GHSR: variants seen among roughly 807,000 people sequenced by gnomAD.
The protein encoded by GHSR is growth hormone secretagogue receptor, also known as growth hormone secretagogue receptor type 1.
In GHSR, 17 loss-of-function variants were observed where a neutral mutation model predicts 24.0. The observed-to-expected ratio is 0.71, with a 90% CI of 0.49 to 1.06. The LOEUF is 1.06. Ranked by LOEUF, GHSR falls within the 50% of genes least tolerant of loss-of-function variation. The pLI is 0.00. For synonymous variants in GHSR, 238 were observed against 208.1 expected, an observed-to-expected ratio of 1.14 and a Z score of -1.24; for missense variants, 504 against 483.1, an observed-to-expected ratio of 1.04 and a Z score of -0.41.
At position 172,448,132 on chromosome 3, in the gene GHSR, G is replaced by C. The variant is rs1231189611; in HGVS notation, c.282C>G (p.Leu94=). The change falls in exon 1 of 2, where the codon CTC becomes CTG. Residue 94 remains leucine, a synonymous_variant. Coordinates refer to ENST00000241256, the MANE Select transcript of GHSR (RefSeq NM_198407.2). The surrounding 1 kb of genome is among the most constrained non-coding windows in gnomAD (Gnocchi z 4.8). ...GGCGAACGAGGTCCAGGGGCATGCA[G>C]AGGAAGATGAGCAGATCGGAGAAGG... ...SMAFSDLLIF[L]CMPLDLVRLW... The C allele has an allele frequency of 1.2e-6, 2 of 1,614,238 alleles. No individual in the cohort carries two copies. The highest frequency in any genetic ancestry group is 1.1e-5 in the South Asian group (1 of 91,092).
rs1737514156 is a variant in GHSR at position 172,447,886 on chromosome 3, C to T, written c.528G>A (p.Gly176=). ...VIWAVAFCSA[G]PIFVLVGVEH... ...CCACCCCGACTAGCACGAAGATGGG[C>T]CCGGCGCTGCAGAAGGCCACGGCCC... Residue 176 remains glycine, a synonymous_variant, in exon 1 of 2, where the codon GGG becomes GGA. Transcript: ENST00000241256. 1.2e-6 allele frequency: 2 copies of T among 1,613,122 alleles called. No homozygotes were observed. Among genetic ancestry groups the T allele is most frequent in the African/African-American group, 1.3e-5 (1 of 74,910 alleles).
At chr3:172,445,905 C>CT (rs1737449850) in intron 1 of GHSR, among the ~76,000 whole-genome samples, 2 of 151,848 alleles carry the variant, frequency 1.3e-5, no homozygotes, top group South Asian at 4.2e-4. Flanking sequence ...ATTTAAATCT[C>CT]TAAGAGGGCG....
rs1737399159 is a variant in GHSR, at chr3:172,444,062, G to A, written c.*1099C>T. Among the ~76,000 whole-genome samples, 1 of 152,028 alleles carries A rather than the reference G, an allele frequency of 6.6e-6. No individual in the cohort carries two copies. The highest frequency in any genetic ancestry group is 2.4e-5 in the African/African-American group (1 of 41,404). ...CCTTATAATTGACTTCAAAATTTTT[G>A]TTAAGCCATATGAGGCAGTTTGTGA... is the stretch of plus-strand genomic sequence containing the variant. On this transcript the variant is annotated 3_prime_UTR_variant, in exon 2 of 2. Transcript: ENST00000241256.
rs1176554055 is a variant in GHSR, at chr3:172,447,681, C to T, written c.733G>A (p.Gly245Ser). 1.2e-6 allele frequency: 2 copies of T among 1,614,026 alleles called. No individual in the cohort carries two copies. Among genetic ancestry groups the T allele is most frequent in the Non-Finnish European group, 1.7e-6 (2 of 1,180,020 alleles). ...AGCGAGGCACCCACGACAGCATCGC[C>T]GCGCCTCCTCCGCCACAGCTTCCTG... ...IGRKLWRRRR[G>S]DAVVGASLRD... The change falls in exon 1 of 2, where the codon GGC becomes AGC. Residue 245 changes from glycine (G) to serine (S), a missense_variant. Physicochemically the swap from Gly to Ser is moderately conservative, Grantham distance 56 (BLOSUM62 0). Transcript: ENST00000241256.
At position 172,447,826 on chromosome 3, in the gene GHSR, G is replaced by A. The variant is rs1180292024; in HGVS notation, c.588C>T (p.Asn196=). ...HENGTDPWDT[N]ECRPTEFAVR... Reference sequence around the variant, plus strand: ...CCGCAAACTCGGTGGGGCGGCACTCGTTGGTGTCCCAAGGGTCGGTGCCGT... The same window carrying A: ...CCGCAAACTCGGTGGGGCGGCACTCATTGGTGTCCCAAGGGTCGGTGCCGT... The change falls in exon 1 of 2, where the codon AAC becomes AAT. Residue 196 remains asparagine, a synonymous_variant. Coordinates refer to ENST00000241256, the MANE Select transcript of GHSR (RefSeq NM_198407.2). 2.5e-6 allele frequency: 4 copies of A among 1,613,902 alleles called. No individual in the cohort carries two copies. The highest frequency in any genetic ancestry group is 1.7e-5 in the Admixed American group (1 of 60,018).
chr3:172,444,798 C>G lies in GHSR; in HGVS notation c.*363G>C, dbSNP rs1042263880. On this transcript the variant is annotated 3_prime_UTR_variant, in exon 2 of 2. Transcript: ENST00000241256. ...TTGTATTGTAATGTCATTCTTTTAA[C>G]CAAATAATTTTGATCATTATGAAAA... 3.9e-5 allele frequency among the ~76,000 whole-genome samples: 6 copies of G among 152,078 alleles called. No homozygotes were observed. Among genetic ancestry groups the G allele is most frequent in the African/African-American group, 1.4e-4 (6 of 41,400 alleles).
chr3:172,446,437 C>A (rs1191199243), intron 1 of GHSR, among the ~76,000 whole-genome samples: 1 of 152,150 alleles, frequency 6.6e-6, no homozygotes, highest in African/African-American at 2.4e-5. Context: ...ACGAGAATCA[C>A]CGGTCCAGAA....
rs780409681 is a variant in GHSR at position 172,447,604 on chromosome 3, G to A, written c.796+14C>T. On this transcript the variant is annotated intron_variant, in intron 1 of 1. Transcript: ENST00000241256. The stretch of plus-strand genomic sequence containing the variant: ...GACCCGCGAGAGAAAGCCTGAGCGC[G>A]CGCTGAGACCCACCCAGCATTTTCA... 11 of 1,612,562 alleles carry A rather than the reference G, an allele frequency of 6.8e-6. No homozygotes were observed. The highest frequency in any genetic ancestry group is 1.3e-5 in the African/African-American group (1 of 74,846).
chr3:172,446,221 GGAA>G (rs1270532145), intron 1 of GHSR, among the ~76,000 whole-genome samples: 1 of 152,054 alleles, frequency 6.6e-6, no homozygotes, highest in African/African-American at 2.4e-5. Context: ...AAATTGTCAA[GGAA>G]GAAGAAAGTT....
At chr3:172,447,477 A>G (rs1560129248) in intron 1 of GHSR, 141 bp downstream of exon 1, 3 of 1,500,322 alleles carry the variant, frequency 2.0e-6, no homozygotes, top group East Asian at 4.6e-5. Flanking sequence ...AGAGAAACGC[A>G]GAGAGACAGA....
rs759731798 is a variant in GHSR, at chr3:172,443,306, C to G, written c.*1855G>C. Among the ~76,000 whole-genome samples, 3 of 150,928 alleles carry G rather than the reference C, an allele frequency of 2.0e-5. No individual in the cohort carries two copies. The highest frequency in any genetic ancestry group is 4.4e-5 in the Non-Finnish European group (3 of 67,840). Reference sequence around the variant, plus strand: ...TTTTTTTTTTTTTAATATTGATGCACTCTTAGGAATTAACTACATAATCAG... The same window carrying G: ...TTTTTTTTTTTTTAATATTGATGCAGTCTTAGGAATTAACTACATAATCAG... On this transcript the variant is annotated 3_prime_UTR_variant, in exon 2 of 2. Transcript: ENST00000241256.
At position 172,447,974 on chromosome 3, in the gene GHSR, A is replaced by T. The variant is rs201085948; in HGVS notation, c.440T>A (p.Phe147Tyr). The change falls in exon 1 of 2, where the codon TTC (phenylalanine) becomes TAC (tyrosine). Residue 147 changes from phenylalanine (F) to tyrosine (Y), a missense_variant. Phe to Tyr is a conservative substitution (Grantham distance 22). Coordinates refer to ENST00000241256, the MANE Select transcript of GHSR (RefSeq NM_198407.2). The stretch of plus-strand genomic sequence containing the variant: ...GACCACCACCTTGGCCCGGAGTGGG[A>T]AGCAGATGGCGAAGTAGCGCTCGAC... The part of the protein sequence containing the change: ...LSVERYFAIC[F>Y]PLRAKVVVTK... 1.9e-5 allele frequency: 31 copies of T among 1,614,102 alleles called. No homozygotes were observed. In the East Asian group the frequency reaches 6.5e-4, roughly 34 times the overall value.
chr3:172,448,136 A>C lies in GHSR; in HGVS notation c.278T>G (p.Phe93Cys), dbSNP rs757070976. 37 of 1,614,064 alleles carry C rather than the reference A, an allele frequency of 2.3e-5. No homozygotes were observed. The highest frequency in any genetic ancestry group is 3.1e-5 in the Non-Finnish European group (37 of 1,180,048). ...SSMAFSDLLI[F>C]LCMPLDLVRL... is the part of the protein sequence containing the mutation. ...AACGAGGTCCAGGGGCATGCAGAGG[A>C]AGATGAGCAGATCGGAGAAGGCCAT... Residue 93 changes from phenylalanine to cysteine, a missense_variant, in exon 1 of 2, where the codon TTC (phenylalanine) becomes TGC (cysteine). Coordinates refer to ENST00000241256, the MANE Select transcript of GHSR (RefSeq NM_198407.2). The surrounding 1 kb of genome is among the most constrained non-coding windows in gnomAD (Gnocchi z 4.8).
Position 172,444,565 on chromosome 3 carries a change from A to G in GHSR, c.*596T>C, listed in dbSNP as rs984562523. Among the ~76,000 whole-genome samples the G allele has an allele frequency of 2.0e-5, 3 of 151,116 alleles. No homozygotes were observed. The highest frequency in any genetic ancestry group is 7.2e-5 in the African/African-American group (3 of 41,406). On this transcript the variant is annotated 3_prime_UTR_variant, in exon 2 of 2. Transcript: ENST00000241256. Reference sequence around the variant, plus strand: ...AATCTAAATACATCAAATATTACCAATGAAAACTTAGTGTCCAAATTGAGG... The same window carrying G: ...AATCTAAATACATCAAATATTACCAGTGAAAACTTAGTGTCCAAATTGAGG...
At position 172,448,339 on chromosome 3, in the gene GHSR, G is replaced by T; in HGVS notation, c.75C>A (p.Pro25=). Residue 25 remains proline (P), a synonymous_variant, in exon 1 of 2, where the codon CCC becomes CCA. Coordinates refer to ENST00000241256, the MANE Select transcript of GHSR (RefSeq NM_198407.2). The surrounding 1 kb of genome is among the most constrained non-coding windows in gnomAD (Gnocchi z 4.8). The part of the protein sequence containing the change: ...TLADLDWDAS[P]GNDSLGDELL... ...GCTCGTCGCCCAGCGAGTCGTTGCC[G>T]GGGGAAGCATCCCAGTCCAGGTCGG... is the stretch of plus-strand genomic sequence containing the variant. The T allele has an allele frequency of 6.2e-7, 1 of 1,604,276 alleles. No homozygotes were observed. Among genetic ancestry groups the T allele is most frequent in the African/African-American group, 1.3e-5 (1 of 75,056 alleles).
chr3:172,444,904 G>T lies in GHSR; in HGVS notation c.*257C>A, dbSNP rs900902642. Among the ~76,000 whole-genome samples, 2 of 152,118 alleles carry T rather than the reference G, an allele frequency of 1.3e-5. No homozygotes were observed. The highest frequency in any genetic ancestry group is 2.9e-5 in the Non-Finnish European group (2 of 68,028). On this transcript the variant is annotated 3_prime_UTR_variant, in exon 2 of 2. Coordinates refer to ENST00000241256, the MANE Select transcript of GHSR (RefSeq NM_198407.2). The stretch of plus-strand genomic sequence containing the variant: ...CTTCCTCCTTTCTCTGAATTGCAAA[G>T]CCCTCACCAGCACCCGCAGCAGAAT...
In GHSR at chr3:172,445,288, A is replaced by T. The variant is rs149249522; in HGVS notation, c.974T>A (p.Ile325Asn). 20 of 1,614,016 alleles carry T rather than the reference A, an allele frequency of 1.2e-5. No homozygotes were observed. Among genetic ancestry groups the T allele is most frequent in the Non-Finnish European group, 1.6e-5 (19 of 1,180,022 alleles). Reference sequence around the variant, plus strand: ...TGCCACCCGGTACTTCTTGGACATGATGTTGTACAGAATGGGGTTGATGGC... The same window carrying T: ...TGCCACCCGGTACTTCTTGGACATGTTGTTGTACAGAATGGGGTTGATGGC... The part of the protein sequence containing the change: ...SAAINPILYN[I>N]MSKKYRVAVF... Residue 325 changes from isoleucine to asparagine, a missense_variant, in exon 2 of 2, where the codon ATC becomes AAC. Ile to Asn is a moderately radical substitution (Grantham distance 149, BLOSUM62 -3). Coordinates refer to ENST00000241256, the MANE Select transcript of GHSR (RefSeq NM_198407.2).
Position 172,445,142 on chromosome 3 carries a change from G to C in GHSR, c.*19C>G, listed in dbSNP as rs1737427051. 6.2e-7 allele frequency: 1 copy of C among 1,613,414 alleles called. No individual in the cohort carries two copies. The highest frequency in any genetic ancestry group is 8.5e-7 in the Non-Finnish European group (1 of 1,179,466). On this transcript the variant is annotated 3_prime_UTR_variant, in exon 2 of 2. Coordinates refer to ENST00000241256, the MANE Select transcript of GHSR (RefSeq NM_198407.2). ...CGGTTTAGAGTAATAAGCGGTGACTGTACTCGCAATGTGCTAGGTCATGTA... is the reference window on the plus strand; with the variant it reads ...CGGTTTAGAGTAATAAGCGGTGACTCTACTCGCAATGTGCTAGGTCATGTA...
At position 172,448,404 on chromosome 3, in the gene GHSR, C is replaced by T. The variant is rs1177771500; in HGVS notation, c.10G>A (p.Ala4Thr). 1.1e-5 allele frequency: 17 copies of T among 1,593,874 alleles called. No homozygotes were observed. The highest frequency in any genetic ancestry group is 8.4e-5 in the Admixed American group (5 of 59,472). Residue 4 changes from alanine (A) to threonine (T), a missense_variant, in exon 1 of 2, where the codon GCG becomes ACG. Physicochemically the swap from Ala to Thr is moderately conservative, Grantham distance 58 (BLOSUM62 0). Transcript: ENST00000241256. This position sits in a 1 kb window ranked among gnomAD's most constrained non-coding sequence, Gnocchi z 4.8. MWN[A>T]TPSEEPGFNL... ...AACCCCGGCTCTTCGCTGGGCGTCG[C>T]GTTCCACATGCTGCCGGCTCAGCTG...
Sources: allele counts gnomAD v4.1 joint callset (sites outside exome capture counted in the v4.1 genomes callset), GRCh38; gene constraint gnomAD v4.1.1; non-coding constraint Gnocchi (gnomAD v3.1); transcripts MANE v1.5; gene names NCBI Gene and HGNC (gene_info 2026-07-23, HGNC 2026-07-21).